The following ENAH variants were observed in gnomAD, a reference collection of about 807,000 sequenced individuals.
ENAH encodes the protein protein enabled homolog.
In ENAH, 23 loss-of-function variants were observed where a neutral mutation model predicts 78.7. The ratio of observed to expected loss-of-function variants is 0.29; its 90% confidence interval spans 0.21 to 0.41. ENAH has a LOEUF of 0.41. Ranked by LOEUF, ENAH falls within the 10% of genes least tolerant of loss-of-function variation. The probability of loss-of-function intolerance (pLI) is 1.00; values close to 1 mark genes in which losing one functional copy is unlikely to be tolerated. For synonymous variants in ENAH, 226 were observed against 241.0 expected (o/e 0.94, Z 0.58); for missense variants, 544 against 691.0 (o/e 0.79, Z 2.39).
intron 1 of ENAH, among the ~76,000 whole-genome samples, chr1:225,589,290 A>G (rs1237062970): frequency 6.6e-6 from 1 of 152,096 alleles, no homozygotes; most frequent in Admixed American, 6.6e-5. Context: ...GCATTCCGCT[A>G]TATATATATC....
chr1:225,581,353 T>C (rs1256556297), intron 1 of ENAH: 1 of 938,612 alleles, frequency 1.1e-6, no homozygotes, highest in African/African-American at 1.8e-5. Context: ...AAATATCAAG[T>C]GTGGCTAATT....
At chr1:225,639,624 C>A (rs1660659066) in intron 1 of ENAH, among the ~76,000 whole-genome samples, 1 of 151,378 alleles carries the variant, frequency 6.6e-6, no homozygotes, top group Non-Finnish European at 1.5e-5. Context: ...GAACTGTGAA[C>A]CACATAAATC....
chr1:225,565,167 G>A (rs2096728337), intron 2 of ENAH, among the ~76,000 whole-genome samples: 1 of 152,188 alleles, frequency 6.6e-6, no homozygotes, highest in Admixed American at 6.5e-5. Flanking sequence ...CTGGCGCGGT[G>A]GCTCACGCCT....
intron 1 of ENAH, among the ~76,000 whole-genome samples, chr1:225,601,523 CAAAA>C (rs60046874): frequency 1.1e-5 from 1 of 93,692 alleles, no homozygotes. Flanking sequence ...ATCTCCCCGC[CAAAA>C]AAAAAAAAAA....
intron 1 of ENAH, among the ~76,000 whole-genome samples, chr1:225,645,357 G>T (rs1013171959): frequency 6.6e-6 from 1 of 152,154 alleles, no homozygotes; most frequent in Non-Finnish European, 1.5e-5. Flanking sequence ...GCTGTGGCAT[G>T]TATCAGAATT....
intron 4 of ENAH, among the ~76,000 whole-genome samples, chr1:225,529,709 G>T (rs1331871248): frequency 1.3e-5 from 2 of 152,106 alleles, no homozygotes. Context: ...AACACATACT[G>T]AAGACGGTCA....
intron 11 of ENAH, among the ~76,000 whole-genome samples, chr1:225,501,805 T>TA (rs1224094198): frequency 6.6e-6 from 1 of 152,214 alleles, no homozygotes; most frequent in African/African-American, 2.4e-5. Context: ...TATTGCACTT[T>TA]CAAAAGTTTA....
rs957197370 is a variant in ENAH, at chr1:225,494,572, A to G, written c.*3203T>C. 6.6e-6 allele frequency: 1 copy of G among 152,212 alleles called. No homozygotes were observed. The highest frequency in any genetic ancestry group is 1.5e-5 in the Non-Finnish European group (1 of 68,012). The allele number at this position is 152,212 out of a possible 1,614,324, so 9.4% of individuals were successfully genotyped here. On this transcript the variant is annotated 3_prime_UTR_variant, in exon 14 of 14. Coordinates refer to ENST00000366843, the MANE Select transcript of ENAH (RefSeq NM_018212.6). ...CTGTGTCAAGGTGGGCAGAGAGAAAATAAGAAGAGGGAACACCCAACAGTT... is the reference window on the plus strand; with the variant it reads ...CTGTGTCAAGGTGGGCAGAGAGAAAGTAAGAAGAGGGAACACCCAACAGTT...
At chr1:225,643,111 G>A (rs1661380476) in intron 1 of ENAH, among the ~76,000 whole-genome samples, 1 of 152,214 alleles carries the variant, frequency 6.6e-6, no homozygotes, top group African/African-American at 2.4e-5. Context: ...GCAGAGCCAG[G>A]TCACGCAAGA....
At chr1:225,617,061 T>C (rs1035076944) in intron 1 of ENAH, among the ~76,000 whole-genome samples, 5 of 151,080 alleles carry the variant, frequency 3.3e-5, no homozygotes, top group African/African-American at 1.2e-4. Flanking sequence ...ATCATGCCAC[T>C]GCACTCCAGC....
In ENAH at chr1:225,510,189, T is replaced by TCA. The variant is rs777001028; in HGVS notation, c.1471+1621_1471+1622insTG. Among the ~76,000 whole-genome samples, 7 of 152,316 alleles carry TCA rather than the reference T, an allele frequency of 4.6e-5. No homozygotes were observed. The South Asian group carries it at 1.5e-3, about 32-fold the overall frequency. On this transcript the variant is annotated intron_variant, in intron 10 of 13. Transcript: ENST00000366843. ...AAAACAGGCCCTGCCCTTTTTGATT[T>TCA]TATATATATGACACACACACAAAAC...
rs2096314107 is a variant in ENAH at position 225,504,938 on chromosome 1, C to T, written c.1538+3013G>A. 2.1e-6 allele frequency: 3 copies of T among 1,443,736 alleles called. No individual in the cohort carries two copies. In the Admixed American group the frequency reaches 5.2e-5, roughly 25 times the overall value. 89.4% of individuals were successfully genotyped at this position (1,443,736 alleles called of 1,614,324 possible). A position where few individuals can be genotyped will look rare whatever the true frequency, so the allele number is the denominator to read the frequency against. ...CCAGGTAGAAAAAGCTCAGCCCTAT[C>T]CTGAACATGTTATTTAAAAGTCTCA... On this transcript the variant is annotated intron_variant, in intron 11 of 13. Transcript: ENST00000366843.
chr1:225,554,924 A>T lies in ENAH; in HGVS notation c.331T>A (p.Leu111Ile). Residue 111 changes from leucine (L) to isoleucine (I), a missense_variant, in exon 3 of 14, where the codon TTA becomes ATA. Leu to Ile is a conservative substitution (Grantham distance 5). This residue lies in a region of ENAH where 77 missense variants were observed against 151.8 expected (regional missense o/e 0.51). Transcript: ENST00000366843. Reference sequence around the variant, plus strand: ...ACCTTACCTGTTTCCTGTGAATTTAACACTTCTAAGGCATGCATCATGGCA... The same window carrying T: ...ACCTTACCTGTTTCCTGTGAATTTATCACTTCTAAGGCATGCATCATGGCA... The part of the protein sequence containing the change: ...ASAMMHALEV[L>I]NSQETGPTLP... 6.5e-7 allele frequency: 1 copy of T among 1,540,542 alleles called. No homozygotes were observed.
At chr1:225,531,961 A>G (rs548832244) in intron 3 of ENAH, among the ~76,000 whole-genome samples, 24 of 152,164 alleles carry the variant, frequency 1.6e-4, no homozygotes, top group African/African-American at 5.5e-4. Flanking sequence ...ATTTCATTAG[A>G]TTTCCTAAGA....
intron 1 of ENAH, among the ~76,000 whole-genome samples, chr1:225,568,666 G>T (rs1188508740): frequency 4.6e-5 from 7 of 152,134 alleles, no homozygotes; most frequent in Non-Finnish European, 7.4e-5. Context: ...TTCTCAAACA[G>T]AAAGTCACCC....
chr1:225,538,624 T>A (rs1310658147), intron 3 of ENAH, among the ~76,000 whole-genome samples: 1 of 149,282 alleles, frequency 6.7e-6, no homozygotes, highest in Non-Finnish European at 1.5e-5. Flanking sequence ...TTTCCCATCC[T>A]TTATTTCTTG....
chr1:225,530,769 A>T, intron 3 of ENAH, 131 bp from the exon 4 acceptor site: 1 of 689,252 alleles, frequency 1.5e-6, no homozygotes, highest in East Asian at 2.6e-5. Flanking sequence ...TAGCAAAATA[A>T]AATATAAGCT....
At chr1:225,522,115 A>C (rs971977013) in intron 4 of ENAH, among the ~76,000 whole-genome samples, 2 of 152,184 alleles carry the variant, frequency 1.3e-5, no homozygotes, top group African/African-American at 2.4e-5. Flanking sequence ...TATTATTTGG[A>C]AATTTCAAAT....
intron 11 of ENAH, chr1:225,505,123 G>A: frequency 8.5e-7 from 1 of 1,181,792 alleles, no homozygotes; most frequent in Non-Finnish European, 1.2e-6. Context: ...TTATGTTACT[G>A]TTTTATAGGT....
Sources: allele counts gnomAD v4.1 joint callset (sites outside exome capture counted in the v4.1 genomes callset), GRCh38; gene constraint gnomAD v4.1.1; regional missense constraint gnomAD v4.1.1; transcripts MANE v1.5; gene names NCBI Gene and HGNC (gene_info 2026-07-23, HGNC 2026-07-21).